CRYZ: variants seen among roughly 807,000 people sequenced by gnomAD.
The protein encoded by CRYZ is crystallin zeta, also known as zeta-crystallin.
A neutral mutation model predicts 34.1 loss-of-function variants in CRYZ; 35 were observed. That is an observed-to-expected ratio of 1.03 (90% CI 0.78 to 1.36). The LOEUF (loss-of-function observed/expected upper bound fraction) is 1.36. CRYZ is among the 40% of genes most tolerant of loss of function. The pLI, the probability that CRYZ is intolerant of heterozygous loss-of-function variation, is 0.00. For synonymous variants in CRYZ, 137 were observed against 136.5 expected, an observed-to-expected ratio of 1.00 and a Z score of -0.03; for missense variants, 403 against 391.8, an observed-to-expected ratio of 1.03 and a Z score of -0.24.
chr1:74,724,636 C>G, intron 2 of CRYZ, 75 bp downstream of exon 2: 1 of 908,334 alleles, frequency 1.1e-6, no homozygotes, highest in Non-Finnish European at 1.7e-6. Context: ...TGTGAGTCTG[C>G]TTCTTTTTAA....
chr1:74,716,977 T>C (rs899824187), intron 4 of CRYZ, among the ~76,000 whole-genome samples: 1 of 152,176 alleles, frequency 6.6e-6, no homozygotes, highest in African/African-American at 2.4e-5. Flanking sequence ...TCAGCTCTGA[T>C]TCTTAAAATA....
intron 1 of CRYZ, among the ~76,000 whole-genome samples, chr1:74,728,251 T>C (rs1315712838): frequency 6.6e-6 from 1 of 152,348 alleles, no homozygotes; most frequent in African/African-American, 2.4e-5. Flanking sequence ...TGCAATCTTT[T>C]ATAAATTACA....
intron 3 of CRYZ, among the ~76,000 whole-genome samples, chr1:74,721,341 T>C (rs1267779485): frequency 6.6e-6 from 1 of 152,112 alleles, no homozygotes; most frequent in East Asian, 1.9e-4. Flanking sequence ...AACACTTCAT[T>C]ACTGAAGAAT....
intron 1 of CRYZ, among the ~76,000 whole-genome samples, chr1:74,727,371 A>G (rs1289554191): frequency 6.7e-6 from 1 of 148,296 alleles, no homozygotes; most frequent in Non-Finnish European, 1.5e-5. Flanking sequence ...ACAAGAGAGC[A>G]TGTGCAGAGG....
In CRYZ at chr1:74,732,989, G is replaced by A. The variant is rs1240770096; in HGVS notation, c.-47C>T. On this transcript the variant is annotated 5_prime_UTR_variant, in exon 1 of 9. Coordinates refer to ENST00000340866, the MANE Select transcript of CRYZ (RefSeq NM_001889.4). The stretch of plus-strand genomic sequence containing the variant: ...AGAGTGGGAATTAAAATCTGCGTGG[G>A]CTTCTTCAGATTCCACAGAAATGAG... 12 of 496,850 alleles carry A rather than the reference G, an allele frequency of 2.4e-5. No individual in the cohort carries two copies. Among genetic ancestry groups the A allele is most frequent in the Non-Finnish European group, 4.2e-5 (12 of 282,578 alleles). 30.8% of individuals were successfully genotyped at this position (496,850 alleles called of 1,614,324 possible). A position where few individuals can be genotyped will look rare whatever the true frequency, so the allele number is the denominator to read the frequency against.
intron 1 of CRYZ, among the ~76,000 whole-genome samples, chr1:74,731,185 G>A (rs1647705870): frequency 6.6e-6 from 1 of 152,112 alleles, no homozygotes; most frequent in African/African-American, 2.4e-5. Flanking sequence ...CTAGGAAATA[G>A]AAAATCTAAA....
chr1:74,726,178 C>G (rs1048972016), intron 1 of CRYZ, among the ~76,000 whole-genome samples: 16 of 152,224 alleles, frequency 1.1e-4, no homozygotes, highest in African/African-American at 3.9e-4. Flanking sequence ...CCAGTAGGGA[C>G]TCTGCGTGGG....
chr1:74,716,195 C>T (rs74095156), intron 4 of CRYZ, among the ~76,000 whole-genome samples: 4,627 of 147,228 alleles, frequency 0.031, 216 homozygotes, highest in African/African-American at 0.1. Context: ...AATCTGTGTG[C>T]GCGTGTGTGT....
chr1:74,724,469 C>T (rs1478379225), intron 2 of CRYZ, among the ~76,000 whole-genome samples: 1 of 152,164 alleles, frequency 6.6e-6, no homozygotes, highest in Non-Finnish European at 1.5e-5. Context: ...TATTGCACTA[C>T]ATAGATCATT....
intron 5 of CRYZ, among the ~76,000 whole-genome samples, chr1:74,711,759 A>T (rs116444904): frequency 5.3e-5 from 8 of 152,206 alleles, no homozygotes. Flanking sequence ...TCTCTAAAAA[A>T]TAAAAATAAA....
intron 3 of CRYZ, among the ~76,000 whole-genome samples, chr1:74,720,665 G>A (rs1647147638): frequency 2.0e-5 from 3 of 152,142 alleles, no homozygotes; most frequent in African/African-American, 7.2e-5. Flanking sequence ...AAGAGTCAAA[G>A]ACAAGTATCA....
chr1:74,728,880 C>T (rs1455328060), intron 1 of CRYZ, among the ~76,000 whole-genome samples: 4 of 152,110 alleles, frequency 2.6e-5, no homozygotes, highest in Non-Finnish European at 5.9e-5. Context: ...AGCAGGCCTA[C>T]GGCATAAACA....
chr1:74,726,210 T>G (rs2100729787), intron 1 of CRYZ, among the ~76,000 whole-genome samples: 1 of 152,326 alleles, frequency 6.6e-6, no homozygotes, highest in East Asian at 1.9e-4. Flanking sequence ...CACATTTCCC[T>G]TCTGCACTGC....
At chr1:74,708,317 TG>T (rs1382339403) in intron 6 of CRYZ, 2 of 152,232 alleles carry the variant, frequency 1.3e-5, no homozygotes, top group Non-Finnish European at 2.9e-5. Flanking sequence ...TGTTTTGTTT[TG>T]TTTTTTTATT....
intron 1 of CRYZ, among the ~76,000 whole-genome samples, chr1:74,729,735 T>C (rs1319081879): frequency 6.6e-6 from 1 of 152,048 alleles, no homozygotes; most frequent in Non-Finnish European, 1.5e-5. Context: ...ATCTTTAATA[T>C]AACGATATTT....
chr1:74,728,550 C>T (rs1313105033), intron 1 of CRYZ, among the ~76,000 whole-genome samples: 3 of 152,164 alleles, frequency 2.0e-5, no homozygotes, highest in South Asian at 4.1e-4. Flanking sequence ...GCTGCAGAAA[C>T]CAGGACCTGA....
At chr1:74,730,661 G>A (rs186352612) in intron 1 of CRYZ, among the ~76,000 whole-genome samples, 10 of 152,236 alleles carry the variant, frequency 6.6e-5, no homozygotes, top group African/African-American at 1.9e-4. Context: ...TAAGAGACTT[G>A]GTCAGGGTCA....
At chr1:74,726,286 G>A (rs1647335367) in intron 1 of CRYZ, among the ~76,000 whole-genome samples, 1 of 152,212 alleles carries the variant, frequency 6.6e-6, no homozygotes, top group Non-Finnish European at 1.5e-5. Flanking sequence ...GGACATTCAG[G>A]AATTTCCACA....
chr1:74,728,239 T>C (rs947678686), intron 1 of CRYZ, among the ~76,000 whole-genome samples: 1 of 152,198 alleles, frequency 6.6e-6, no homozygotes, highest in Non-Finnish European at 1.5e-5. Flanking sequence ...CAGTGCACCA[T>C]ATGCAATCTT....
Sources: allele counts gnomAD v4.1 joint callset (sites outside exome capture counted in the v4.1 genomes callset), GRCh38; gene constraint gnomAD v4.1.1; transcripts MANE v1.5; gene names NCBI Gene and HGNC (gene_info 2026-07-23, HGNC 2026-07-21).